EYS: variants seen among roughly 807,000 people sequenced by gnomAD.
The protein encoded by EYS is EGF-like photoreceptor maintenance factor, also known as protein eyes shut homolog.
In EYS, 250 loss-of-function variants were observed where a neutral mutation model predicts 282.1. The ratio of observed to expected loss-of-function variants is 0.89; its 90% confidence interval spans 0.80 to 0.98. EYS has a LOEUF of 0.98. Among genes scored for constraint, EYS ranks in the 50% least tolerant of loss-of-function variants. The pLI is 0.00. For missense variants in EYS, 4,016 were observed against 3,709.0 expected (o/e 1.08, Z -2.15); for synonymous variants, 1,355 against 1,282.9 (o/e 1.06, Z -1.20).
intron 22 of EYS, chr6:64,733,542 ATCT>A (rs1439948680): frequency 5.8e-6 from 1 of 172,910 alleles, no homozygotes; most frequent in Non-Finnish European, 1.3e-5. Flanking sequence ...AGTGTGACAA[ATCT>A]TCAAGATGAC....
chr6:64,009,422 T>C (rs1768500733), intron 33 of EYS, among the ~76,000 whole-genome samples: 1 of 150,086 alleles, frequency 6.7e-6, no homozygotes, highest in African/African-American at 2.5e-5. Context: ...TAGTTGGGAC[T>C]ACAGGCACCC....
intron 22 of EYS, among the ~76,000 whole-genome samples, chr6:64,626,569 G>A (rs1472184099): frequency 6.6e-6 from 1 of 152,128 alleles, no homozygotes; most frequent in African/African-American, 2.4e-5. Context: ...AGAAGACAGA[G>A]ACCCACAGGG....
intron 35 of EYS, among the ~76,000 whole-genome samples, chr6:63,953,062 C>T (rs566253592): frequency 1.3e-5 from 2 of 152,268 alleles, no homozygotes; most frequent in East Asian, 3.9e-4. Flanking sequence ...CCTGTGGTGC[C>T]CAACCCATAC....
At chr6:64,278,038 G>A (rs1186106916) in intron 30 of EYS, among the ~76,000 whole-genome samples, 1 of 152,082 alleles carries the variant, frequency 6.6e-6, no homozygotes, top group Non-Finnish European at 1.5e-5. Flanking sequence ...CTTAAGAGGG[G>A]CATGTAGAAG....
At chr6:64,970,077 T>A (rs1371503434) in intron 14 of EYS, among the ~76,000 whole-genome samples, 1 of 152,098 alleles carries the variant, frequency 6.6e-6, no homozygotes, top group African/African-American at 2.4e-5. Flanking sequence ...CAATAAGTAT[T>A]GTTGGAAAAT....
At chr6:64,995,715 TCCCCC>T (rs5876932) in intron 14 of EYS, among the ~76,000 whole-genome samples, 1 of 147,130 alleles carries the variant, frequency 6.8e-6, no homozygotes, top group Non-Finnish European at 1.5e-5. Flanking sequence ...TCTTTCTGCT[TCCCCC>T]CCGCCCCATA....
intron 2 of EYS, among the ~76,000 whole-genome samples, chr6:65,537,319 A>G (rs151016120): frequency 0.02 from 2,977 of 152,298 alleles, 51 homozygotes; most frequent in Non-Finnish European, 0.031. Flanking sequence ...CAAGTTCTGC[A>G]CATGTATCCC....
intron 40 of EYS, among the ~76,000 whole-genome samples, chr6:63,773,623 G>C (rs1440567796): frequency 6.6e-6 from 1 of 152,178 alleles, no homozygotes; most frequent in Non-Finnish European, 1.5e-5. Context: ...TTTTGAGCAG[G>C]AAAATGATTA....
At chr6:64,861,911 A>C (rs796985997) in intron 19 of EYS, among the ~76,000 whole-genome samples, 8 of 152,244 alleles carry the variant, frequency 5.3e-5, no homozygotes, top group African/African-American at 1.7e-4. Flanking sequence ...TTCTTTCTTT[A>C]CGTAGATTTC....
intron 2 of EYS, among the ~76,000 whole-genome samples, chr6:65,605,844 G>C (rs190354844): frequency 6.6e-6 from 1 of 151,724 alleles, no homozygotes; most frequent in African/African-American, 2.4e-5. Context: ...ATGATTGTAT[G>C]CATAAAAGAA....
At chr6:65,323,586 C>T (rs2785967) in intron 11 of EYS, among the ~76,000 whole-genome samples, 132,669 of 134,848 alleles carry the variant, frequency 0.98, 65,312 homozygotes, top group East Asian at 1. Context: ...GAGATTGGTA[C>T]TGTTACCTTC....
intron 15 of EYS, among the ~76,000 whole-genome samples, chr6:64,914,802 G>C (rs1768110543): frequency 6.6e-6 from 1 of 152,028 alleles, no homozygotes; most frequent in Admixed American, 6.6e-5. Context: ...TTTCACAGCT[G>C]TCTAAATTTT....
intron 31 of EYS, among the ~76,000 whole-genome samples, chr6:64,191,765 T>C (rs1232114038): frequency 6.6e-6 from 1 of 151,842 alleles, no homozygotes; most frequent in Non-Finnish European, 1.5e-5. Flanking sequence ...TCTTTGCTAT[T>C]GTGAATAGTG....
intron 12 of EYS, among the ~76,000 whole-genome samples, chr6:65,227,395 G>T (rs994204558): frequency 2.0e-5 from 3 of 152,040 alleles, no homozygotes; most frequent in South Asian, 4.1e-4. Flanking sequence ...TATTAGGAGG[G>T]CTATTATTTA....
At chr6:64,330,329 G>A (rs904273425) in intron 29 of EYS, among the ~76,000 whole-genome samples, 1 of 152,156 alleles carries the variant, frequency 6.6e-6, no homozygotes, top group Admixed American at 6.5e-5. Context: ...ACAAGTGTGG[G>A]AGTTTTTAGG....
At chr6:65,378,213 AG>A (rs1443982116) in intron 8 of EYS, among the ~76,000 whole-genome samples, 2 of 152,166 alleles carry the variant, frequency 1.3e-5, no homozygotes, top group Non-Finnish European at 2.9e-5. Context: ...CTCATCAAAA[AG>A]TGTGTGAAGG....
At chr6:64,541,526 T>A (rs1258088110) in intron 26 of EYS, among the ~76,000 whole-genome samples, 2 of 152,134 alleles carry the variant, frequency 1.3e-5, no homozygotes, top group Non-Finnish European at 2.9e-5. Context: ...AGTTAGGAAT[T>A]CCTTCCTCTC....
intron 41 of EYS, among the ~76,000 whole-genome samples, chr6:63,760,242 A>G (rs1769597658): frequency 1.3e-5 from 2 of 152,072 alleles, no homozygotes; most frequent in Non-Finnish European, 2.9e-5. Context: ...TACCAATAAT[A>G]TGAGGAAAAA....
At chr6:64,520,620 CA>C (rs956906836) in intron 26 of EYS, among the ~76,000 whole-genome samples, 58 of 150,256 alleles carry the variant, frequency 3.9e-4, no homozygotes, top group African/African-American at 9.2e-4. Flanking sequence ...TTGAGAATGA[CA>C]AAAAAAAATT....
Sources: gnomAD v4.1 joint callset for allele counts (sites outside exome capture counted in the v4.1 genomes callset) on GRCh38, gnomAD v4.1.1 for gene constraint, MANE v1.5 for transcripts, NCBI Gene and HGNC (gene_info 2026-07-23, HGNC 2026-07-21) for gene names.